Variants in FAM227B observed in about 807,000 individuals in gnomAD.
The protein encoded by FAM227B is family with sequence similarity 227 member B.
Under a neutral mutation model 73.8 loss-of-function variants are expected in FAM227B, and 88 were observed. The observed-to-expected ratio is 1.19, with a 90% CI of 1.00 to 1.42. The LOEUF is 1.42. FAM227B is among the 40% of genes most tolerant of loss of function. FAM227B has a pLI of 0.00. For synonymous variants in FAM227B, 210 were observed against 190.5 expected (o/e 1.10, Z -0.84); for missense variants, 632 against 590.9 (o/e 1.07, Z -0.72).
At chr15:49,489,870 A>AT (rs2056882769) in intron 11 of FAM227B, among the ~76,000 whole-genome samples, 2 of 15,572 alleles carry the variant, frequency 1.3e-4, no homozygotes, top group Non-Finnish European at 1.5e-4. Flanking sequence ...TTATATATAT[A>AT]TATATATATA....
rs2055393992 is a variant in FAM227B, at chr15:49,477,018, C to T, written c.1012+31193G>A. Among the ~76,000 whole-genome samples the T allele has an allele frequency of 3.3e-5, 5 of 151,594 alleles. No individual in the cohort carries two copies. The South Asian group carries it at 1.0e-3, about 32-fold the overall frequency. On this transcript the variant is annotated intron_variant, in intron 11 of 15. Coordinates refer to ENST00000299338, the MANE Select transcript of FAM227B (RefSeq NM_152647.3). ...GAGCTTGCAGTGAGCGGAGATCCCG[C>T]CACTGCACTCCAGCCTGGGCGACAA...
intron 13 of FAM227B, among the ~76,000 whole-genome samples, chr15:49,355,766 G>C (rs536385311): frequency 5.4e-4 from 82 of 151,802 alleles, no homozygotes; most frequent in Non-Finnish European, 1.1e-3. Context: ...CTCGAGAAGA[G>C]CAACTCCAAG....
chr15:49,541,115 G>T (rs2071006426), intron 10 of FAM227B, among the ~76,000 whole-genome samples: 1 of 152,022 alleles, frequency 6.6e-6, no homozygotes, highest in Non-Finnish European at 1.5e-5. Flanking sequence ...AAAAATGCTG[G>T]GAGGTCATTC....
intron 10 of FAM227B, among the ~76,000 whole-genome samples, chr15:49,523,867 A>T (rs776277604): frequency 2.4e-4 from 37 of 152,190 alleles, no homozygotes; most frequent in Non-Finnish European, 4.8e-4. Context: ...GACTGGTGGC[A>T]TTTAGGCCCT....
At chr15:49,360,283 C>A (rs970892426) in intron 13 of FAM227B, among the ~76,000 whole-genome samples, 25 of 151,176 alleles carry the variant, frequency 1.7e-4, no homozygotes, top group African/African-American at 6.1e-4. Context: ...ATAGTGGGAG[C>A]ATGTGTTTAT....
At chr15:49,610,419 GTAA>G (rs1177278114) in intron 3 of FAM227B, among the ~76,000 whole-genome samples, 9 of 33,970 alleles carry the variant, frequency 2.6e-4, no homozygotes, top group East Asian at 4.2e-4. Flanking sequence ...AACATTGAAA[GTAA>G]AAAAAAAAAA....
intron 10 of FAM227B, among the ~76,000 whole-genome samples, chr15:49,509,017 G>A (rs926897448): frequency 1.4e-4 from 22 of 152,146 alleles, no homozygotes; most frequent in African/African-American, 5.3e-4. Context: ...GGAGAACTGT[G>A]GGGGAGAGTC....
intron 11 of FAM227B, among the ~76,000 whole-genome samples, chr15:49,387,409 T>C (rs1396562268): frequency 6.6e-6 from 1 of 151,850 alleles, no homozygotes; most frequent in African/African-American, 2.4e-5. Flanking sequence ...ATTATCCCAA[T>C]AGATGCAGAA....
At chr15:49,542,711 A>T (rs1555530565) in intron 9 of FAM227B, among the ~76,000 whole-genome samples, 1 of 147,908 alleles carries the variant, frequency 6.8e-6, no homozygotes, top group Non-Finnish European at 1.5e-5. Context: ...TTTATATATA[A>T]ATATATATAT....
chr15:49,339,989 G>C (rs1267216521), intron 13 of FAM227B, among the ~76,000 whole-genome samples: 1 of 152,018 alleles, frequency 6.6e-6, no homozygotes, highest in Non-Finnish European at 1.5e-5. Context: ...GAGGGTCCCA[G>C]GTTGAGCTCA....
intron 11 of FAM227B, among the ~76,000 whole-genome samples, chr15:49,462,137 AAAGGCAG>A (rs1196859418): frequency 2.0e-5 from 3 of 152,288 alleles, no homozygotes; most frequent in African/African-American, 7.2e-5. Flanking sequence ...AATTGTATTT[AAAGGCAG>A]TATGAGAGCA....
intron 13 of FAM227B, among the ~76,000 whole-genome samples, chr15:49,364,610 T>C (rs930936703): frequency 2.6e-5 from 4 of 152,178 alleles, no homozygotes; most frequent in African/African-American, 9.7e-5. Context: ...TACAAAAATA[T>C]GCACTTACAT....
rs780265016 is a variant in FAM227B at position 49,611,193 on chromosome 15, T to A, written c.105+22A>T. 5 of 1,458,852 alleles carry A rather than the reference T, an allele frequency of 3.4e-6. 1 individual carries two copies. In the South Asian group the frequency reaches 3.5e-5, roughly 10 times the overall value. 90.4% of individuals were successfully genotyped at this position (1,458,852 alleles called of 1,614,324 possible). A position where few individuals can be genotyped will look rare whatever the true frequency, so the allele number is the denominator to read the frequency against. On this transcript the variant is annotated intron_variant, in intron 3 of 15. Coordinates refer to ENST00000299338, the MANE Select transcript of FAM227B (RefSeq NM_152647.3). ...TATTTTAAAATGATGTAATGGCACA[T>A]AAAATAAGATGCTTTACTCACCCAA... is the stretch of plus-strand genomic sequence containing the variant.
intron 11 of FAM227B, among the ~76,000 whole-genome samples, chr15:49,441,710 T>C (rs2051664475): frequency 1.3e-5 from 2 of 151,700 alleles, no homozygotes; most frequent in African/African-American, 2.4e-5. Context: ...TATAATACTA[T>C]TTTATTTTAT....
chr15:49,340,034 G>A (rs911590917), intron 13 of FAM227B, among the ~76,000 whole-genome samples: 1 of 152,296 alleles, frequency 6.6e-6, no homozygotes, highest in East Asian at 1.9e-4. Flanking sequence ...TCAAGCCAGT[G>A]GATCTTAACT....
intron 11 of FAM227B, among the ~76,000 whole-genome samples, chr15:49,444,853 A>T (rs2052033756): frequency 6.6e-6 from 1 of 151,702 alleles, no homozygotes; most frequent in South Asian, 2.1e-4. Flanking sequence ...ATAAATTTAC[A>T]ACCTAATGCA....
chr15:49,405,152 G>A (rs1193763043), intron 11 of FAM227B, among the ~76,000 whole-genome samples: 4 of 152,108 alleles, frequency 2.6e-5, no homozygotes, highest in Non-Finnish European at 5.9e-5. Context: ...CTTTGTAGGT[G>A]ACCTGATCTT....
At chr15:49,487,895 C>T (rs2056537100) in intron 11 of FAM227B, 1 of 151,942 alleles carries the variant, frequency 6.6e-6, no homozygotes, top group Admixed American at 6.6e-5. Flanking sequence ...GTTTGGTTTA[C>T]ATCCCTACTC....
At position 49,508,258 on chromosome 15, in the gene FAM227B, T is replaced by G; in HGVS notation, c.965A>C (p.Lys322Thr). Residue 322 changes from lysine (K) to threonine (T), a missense_variant, in exon 11 of 16, where the codon AAA becomes ACA. Transcript: ENST00000299338. ...GTCTGCAATTCTTTCCTTTACTGAT[T>G]TTGCAGGTGCTTTTTTGCTACCATG... Reference protein sequence around the residue: ...TIHGSKKAPAKSVKERIADSQ... With the variant: ...TIHGSKKAPATSVKERIADSQ... The G allele has an allele frequency of 6.2e-7, 1 of 1,611,344 alleles. No homozygotes were observed.
Sources: gnomAD v4.1 joint callset for allele counts (sites outside exome capture counted in the v4.1 genomes callset) on GRCh38, gnomAD v4.1.1 for gene constraint, MANE v1.5 for transcripts, NCBI Gene and HGNC (gene_info 2026-07-23, HGNC 2026-07-21) for gene names.